Variants in NCKAP1 observed in about 807,000 individuals in gnomAD.
NCKAP1 encodes nck-associated protein 1.
Under a neutral mutation model 151.2 loss-of-function variants are expected in NCKAP1, and 21 were observed. That is an observed-to-expected ratio of 0.14 (90% CI 0.10 to 0.20). NCKAP1 has a LOEUF of 0.20. Among genes scored for constraint, NCKAP1 ranks in the 10% least tolerant of loss-of-function variants. The probability of loss-of-function intolerance (pLI) is 1.00; values close to 1 mark genes in which losing one functional copy is unlikely to be tolerated. For missense variants in NCKAP1, 933 were observed against 1,352.1 expected (o/e 0.69, Z 4.86); for synonymous variants, 484 against 451.8 (o/e 1.07, Z -0.90).
chr2:182,940,390 A>G (rs1696971497), intron 24 of NCKAP1, among the ~76,000 whole-genome samples: 1 of 152,102 alleles, frequency 6.6e-6, no homozygotes. Flanking sequence ...TTGTTTTTTA[A>G]AGTATCATAT....
rs1357218219 is a variant in NCKAP1 at position 182,921,607 on chromosome 2, G to A, written c.*4095C>T. The A allele has an allele frequency of 6.6e-6, 1 of 152,154 alleles. No individual in the cohort carries two copies. The highest frequency in any genetic ancestry group is 1.9e-4 in the East Asian group (1 of 5,188). The allele number at this position is 152,154 out of a possible 1,614,324, so 9.4% of individuals were successfully genotyped here. On this transcript the variant is annotated 3_prime_UTR_variant, in exon 31 of 31. Coordinates refer to ENST00000361354, the MANE Select transcript of NCKAP1 (RefSeq NM_013436.5). ...AAGAAGGTAAGGGCTGGGGATGAGG[G>A]GTGCACTTAAACCAGAAATGAGACA...
Position 182,924,272 on chromosome 2 carries a change from G to A in NCKAP1, c.*1430C>T, listed in dbSNP as rs1200836276. 2 of 152,076 alleles carry A rather than the reference G, an allele frequency of 1.3e-5. No individual in the cohort carries two copies. Among genetic ancestry groups the A allele is most frequent in the African/African-American group, 4.8e-5 (2 of 41,408 alleles). 9.4% of individuals were successfully genotyped at this position (152,076 alleles called of 1,614,324 possible). On this transcript the variant is annotated 3_prime_UTR_variant, in exon 31 of 31. Coordinates refer to ENST00000361354, the MANE Select transcript of NCKAP1 (RefSeq NM_013436.5). ...ACTTCAATTTCATTCTACTCTCTAT[G>A]TTTGAAGAAAGAAAAACATTATAAC...
intron 2 of NCKAP1, among the ~76,000 whole-genome samples, chr2:183,003,849 A>C (rs1698417050): frequency 6.6e-6 from 1 of 152,146 alleles, no homozygotes; most frequent in Non-Finnish European, 1.5e-5. Flanking sequence ...ATATTAAACA[A>C]AAGCAAAAAC....
intron 21 of NCKAP1, 57 bp from the exon 22 acceptor site, chr2:182,952,980 T>G: frequency 6.5e-7 from 1 of 1,532,720 alleles, no homozygotes; most frequent in Non-Finnish European, 8.9e-7. Flanking sequence ...GAATGTATCA[T>G]GATATACATT....
chr2:182,934,559 TGAC>T, intron 26 of NCKAP1, 190 bp downstream of exon 26: 1 of 464,426 alleles, frequency 2.2e-6, no homozygotes, highest in Non-Finnish European at 3.8e-6. Context: ...CAAAGAAGAC[TGAC>T]TTTCAAAATG....
intron 23 of NCKAP1, among the ~76,000 whole-genome samples, chr2:182,945,260 TAA>T (rs1697077910): frequency 6.7e-6 from 1 of 148,298 alleles, no homozygotes; most frequent in Non-Finnish European, 1.5e-5. Context: ...AAAAAAAGCT[TAA>T]AAAAAAAGTA....
intron 2 of NCKAP1, among the ~76,000 whole-genome samples, chr2:183,021,921 TTGAA>T (rs1202349006): frequency 6.6e-6 from 1 of 152,154 alleles, no homozygotes; most frequent in African/African-American, 2.4e-5. Flanking sequence ...ACTGTACACT[TTGAA>T]TGGGTGAATT....
chr2:182,986,359 T>C (rs1698057148), intron 9 of NCKAP1, 132 bp from the exon 10 acceptor site: 5 of 695,968 alleles, frequency 7.2e-6, no homozygotes, highest in East Asian at 2.8e-5. Flanking sequence ...TGGAAGTGCA[T>C]GGAAGAATCT....
rs953275245 is a variant in NCKAP1, at chr2:183,017,187, T to A, written c.219+6619A>T. Among the ~76,000 whole-genome samples the A allele has an allele frequency of 1.6e-4, 24 of 152,302 alleles. No homozygotes were observed. In the East Asian group the frequency reaches 4.2e-3, roughly 27 times the overall value. On this transcript the variant is annotated intron_variant, in intron 2 of 30. Transcript: ENST00000361354. The stretch of plus-strand genomic sequence containing the variant: ...TTTTTAGCACCAGGGACCAGTTTCA[T>A]GGAAGACAATTTTTCCATGTACTGG...
chr2:182,954,107 C>T (rs186075600), intron 20 of NCKAP1, among the ~76,000 whole-genome samples: 3 of 152,256 alleles, frequency 2.0e-5, no homozygotes, highest in Admixed American at 2.0e-4. Flanking sequence ...GCTCAGGACT[C>T]ACATAAATTG....
intron 2 of NCKAP1, among the ~76,000 whole-genome samples, chr2:183,013,380 G>C (rs1698625852): frequency 6.6e-6 from 1 of 151,978 alleles, no homozygotes; most frequent in South Asian, 2.1e-4. Context: ...TATTTCTCCT[G>C]TTCTCTCACC....
chr2:183,036,583 G>A (rs1699106137), intron 1 of NCKAP1, among the ~76,000 whole-genome samples: 1 of 152,136 alleles, frequency 6.6e-6, no homozygotes, highest in African/African-American at 2.4e-5. Flanking sequence ...TCTTTGTCAT[G>A]ACACTGAGCT....
chr2:182,924,234 A>G lies in NCKAP1; in HGVS notation c.*1468T>C, dbSNP rs1696597854. ...GACAAATCATACACAAAATAATAGCATAATCTCATAGTACTTCAATTTCAT... is the reference window on the plus strand; with the variant it reads ...GACAAATCATACACAAAATAATAGCGTAATCTCATAGTACTTCAATTTCAT... On this transcript the variant is annotated 3_prime_UTR_variant, in exon 31 of 31. Coordinates refer to ENST00000361354, the MANE Select transcript of NCKAP1 (RefSeq NM_013436.5). 1 of 152,226 alleles carries G rather than the reference A, an allele frequency of 6.6e-6. No individual in the cohort carries two copies. The highest frequency in any genetic ancestry group is 2.4e-5 in the African/African-American group (1 of 41,476). 9.4% of individuals were successfully genotyped at this position (152,226 alleles called of 1,614,324 possible).
At chr2:182,981,469 T>C in intron 12 of NCKAP1, 93 bp from the exon 13 acceptor site, 1 of 1,024,594 alleles carries the variant, frequency 9.8e-7, no homozygotes, top group South Asian at 1.8e-5. Flanking sequence ...CTAAAAGTAT[T>C]TTTCTTATAA....
chr2:182,994,315 G>T (rs1698224259), intron 8 of NCKAP1, among the ~76,000 whole-genome samples: 1 of 152,064 alleles, frequency 6.6e-6, no homozygotes, highest in African/African-American at 2.4e-5. Flanking sequence ...CTAGCTGTGT[G>T]GCCTAAGCTT....
chr2:183,021,915 T>C (rs1484917551), intron 2 of NCKAP1, among the ~76,000 whole-genome samples: 1 of 152,176 alleles, frequency 6.6e-6, no homozygotes, highest in Non-Finnish European at 1.5e-5. Context: ...ACTGAAACTG[T>C]ACACTTTGAA....
At chr2:183,006,618 A>G (rs149071320) in intron 2 of NCKAP1, among the ~76,000 whole-genome samples, 12 of 152,306 alleles carry the variant, frequency 7.9e-5, no homozygotes, top group African/African-American at 2.6e-4. Context: ...ATGAAGAACA[A>G]AAGTGTCTAC....
chr2:182,984,115 C>T (rs1697999146), intron 10 of NCKAP1, among the ~76,000 whole-genome samples: 1 of 151,056 alleles, frequency 6.6e-6, no homozygotes, highest in Admixed American at 6.6e-5. Context: ...ATAAATAGAA[C>T]TTAAGTATCT....
In NCKAP1 at chr2:182,928,636, A is replaced by G. The variant is rs563442477; in HGVS notation, c.3070+147T>C. 14 of 552,322 alleles carry G rather than the reference A, an allele frequency of 2.5e-5. 2 individuals carry two copies. Among genetic ancestry groups the G allele is most frequent in the Admixed American group, 1.1e-4 (3 of 28,316 alleles). 34.2% of individuals were successfully genotyped at this position (552,322 alleles called of 1,614,324 possible). On this transcript the variant is annotated intron_variant, in intron 28 of 30. Coordinates refer to ENST00000361354, the MANE Select transcript of NCKAP1 (RefSeq NM_013436.5). ...ATGAGCTTACTTACACACATTTCATATATCAGGAAACTGCAGTTTAGGAAA... is the reference window on the plus strand; with the variant it reads ...ATGAGCTTACTTACACACATTTCATGTATCAGGAAACTGCAGTTTAGGAAA...
Sources: gnomAD v4.1 joint callset for allele counts (sites outside exome capture counted in the v4.1 genomes callset) on GRCh38, gnomAD v4.1.1 for gene constraint, MANE v1.5 for transcripts, NCBI Gene and HGNC (gene_info 2026-07-23, HGNC 2026-07-21) for gene names.